The following SORD variants were observed in gnomAD, a reference collection of about 807,000 sequenced individuals.
SORD encodes (R,R)-butanediol dehydrogenase.
In SORD, 18 loss-of-function variants were observed where a neutral mutation model predicts 35.6. That is an observed-to-expected ratio of 0.51 (90% CI 0.35 to 0.75). The LOEUF (loss-of-function observed/expected upper bound fraction) is 0.75, where lower values mean the gene tolerates loss of function less well. Among genes scored for constraint, SORD ranks in the 30% least tolerant of loss-of-function variants. The probability of loss-of-function intolerance (pLI) is 0.01; values close to 1 mark genes in which losing one functional copy is unlikely to be tolerated. For synonymous variants in SORD, 106 were observed against 152.9 expected, an observed-to-expected ratio of 0.69 and a Z score of 2.26; for missense variants, 250 against 390.2, an observed-to-expected ratio of 0.64 and a Z score of 3.03.
At chr15:45,067,515 G>T (rs896108815) in intron 5 of SORD, among the ~76,000 whole-genome samples, 1 of 152,150 alleles carries the variant, frequency 6.6e-6, no homozygotes, top group South Asian at 2.1e-4. Flanking sequence ...AATTGTTCTC[G>T]GGGTTGTGTA....
chr15:45,072,700 C>T (rs1389341492), intron 8 of SORD, among the ~76,000 whole-genome samples: 2 of 142,114 alleles, frequency 1.4e-5, no homozygotes, highest in African/African-American at 3.1e-5. Context: ...GCTGCTTATC[C>T]CCCCCAGGCC....
intron 1 of SORD, among the ~76,000 whole-genome samples, chr15:45,038,126 CCCTTCCTTCCTTCCTTCCTT>C (rs71114304): frequency 0.033 from 3,990 of 122,298 alleles, 79 homozygotes; most frequent in Middle Eastern, 0.052. Context: ...CTCGCATCCT[CCCTTCCTTCCTTCCTTCCTT>C]CCTTCCTTCC....
At chr15:45,023,492 C>G in intron 1 of SORD, 143 bp downstream of exon 1, 1 of 676,346 alleles carries the variant, frequency 1.5e-6, no homozygotes, top group East Asian at 3.4e-5. Context: ...AGCTGGTTCC[C>G]CTCGGGGTGT....
intron 3 of SORD, among the ~76,000 whole-genome samples, chr15:45,052,751 C>A (rs1036460419): frequency 2.0e-5 from 3 of 152,138 alleles, no homozygotes; most frequent in Admixed American, 2.0e-4. Flanking sequence ...CCACCGCCAC[C>A]ACCCACTTCA....
chr15:45,071,183 C>T (rs567549458), intron 7 of SORD, among the ~76,000 whole-genome samples: 9 of 152,116 alleles, frequency 5.9e-5, no homozygotes, highest in African/African-American at 2.2e-4. Flanking sequence ...CAGGTGGTTC[C>T]AGCATTCCTT....
intron 3 of SORD, among the ~76,000 whole-genome samples, chr15:45,059,700 T>G (rs116298411): frequency 6.6e-6 from 1 of 152,152 alleles, no homozygotes; most frequent in Non-Finnish European, 1.5e-5. Context: ...TCTTCCTATG[T>G]TGCTCTTGAA....
intron 3 of SORD, 122 bp downstream of exon 3, chr15:45,043,543 T>G: frequency 1.8e-6 from 1 of 568,668 alleles, no homozygotes. Flanking sequence ...TGTTCCATAC[T>G]CACATGGATC....
intron 4 of SORD, among the ~76,000 whole-genome samples, chr15:45,062,790 A>G (rs1366226747): frequency 4.3e-4 from 57 of 132,064 alleles, no homozygotes; most frequent in African/African-American, 1.3e-3. Flanking sequence ...GTCTCTGCCA[A>G]TTACAACTGT....
In SORD at chr15:45,040,415, A is replaced by G. The variant is rs1479065934; in HGVS notation, c.74A>G (p.Tyr25Cys). 1 of 1,565,848 alleles carries G rather than the reference A, an allele frequency of 6.4e-7. No homozygotes were observed. Among genetic ancestry groups the G allele is most frequent in the Non-Finnish European group, 8.8e-7 (1 of 1,136,624 alleles). ...HGPGDLRLENYPIPEPGPNEV... is the reference protein window; with the variant it reads ...HGPGDLRLENCPIPEPGPNEV... ...CAATTTTGTTTCTTTTAGGAGAACT[A>G]TCCTATCCCTGAACCAGGCCCAAAT... The change falls in exon 2 of 9, where the codon TAT becomes TGT. Residue 25 changes from tyrosine (Y) to cysteine (C), a missense_variant. Tyr to Cys is a radical substitution (Grantham distance 194). Coordinates refer to ENST00000267814, the MANE Select transcript of SORD (RefSeq NM_003104.6).
intron 1 of SORD, among the ~76,000 whole-genome samples, chr15:45,032,090 T>A (rs1199670521): frequency 7.7e-6 from 1 of 130,558 alleles, no homozygotes; most frequent in African/African-American, 2.9e-5. Flanking sequence ...TGATTCCACT[T>A]ATATGAAATA....
chr15:45,056,242 C>G (rs200177047), intron 3 of SORD, among the ~76,000 whole-genome samples: 2,409 of 152,150 alleles, frequency 0.016, 16 homozygotes, highest in Middle Eastern at 0.031. Context: ...TAGAAAATCC[C>G]ATTGTCTCAG....
At chr15:45,060,228 T>C (rs1893279916) in intron 3 of SORD, among the ~76,000 whole-genome samples, 1 of 151,902 alleles carries the variant, frequency 6.6e-6, no homozygotes. Flanking sequence ...GAGGGGTAGA[T>C]GGATAGATAT....
At chr15:45,060,482 A>T (rs1178148417) in intron 3 of SORD, among the ~76,000 whole-genome samples, 1 of 152,176 alleles carries the variant, frequency 6.6e-6, no homozygotes. Flanking sequence ...CTACTGTACC[A>T]GAGTCCTCTG....
intron 5 of SORD, among the ~76,000 whole-genome samples, chr15:45,067,726 C>T (rs1893429789): frequency 1.3e-5 from 2 of 152,176 alleles, no homozygotes; most frequent in African/African-American, 4.8e-5. Context: ...GAACCCTCTC[C>T]AGGTGGTCCT....
intron 3 of SORD, among the ~76,000 whole-genome samples, chr15:45,049,178 G>A (rs1354219754): frequency 6.6e-6 from 1 of 152,146 alleles, no homozygotes; most frequent in Non-Finnish European, 1.5e-5. Context: ...TCTTTTGTTG[G>A]AAAGCATTTC....
chr15:45,056,652 G>T (rs889886067), intron 3 of SORD, among the ~76,000 whole-genome samples: 1 of 152,196 alleles, frequency 6.6e-6, no homozygotes, highest in Non-Finnish European at 1.5e-5. Flanking sequence ...TTAACATTTA[G>T]GGAGTTACCT....
At chr15:45,066,508 C>T (rs955984327) in intron 5 of SORD, among the ~76,000 whole-genome samples, 2 of 152,156 alleles carry the variant, frequency 1.3e-5, no homozygotes, top group African/African-American at 4.8e-5. Flanking sequence ...AGACCCTGCT[C>T]CCGGCCAGTG....
intron 3 of SORD, among the ~76,000 whole-genome samples, chr15:45,058,963 A>G (rs146941792): frequency 6.6e-6 from 1 of 152,260 alleles, no homozygotes; most frequent in Non-Finnish European, 1.5e-5. Context: ...CACCCCATGC[A>G]AGTTCTCATG....
At chr15:45,029,789 C>T (rs575330222) in intron 1 of SORD, among the ~76,000 whole-genome samples, 1 of 152,340 alleles carries the variant, frequency 6.6e-6, no homozygotes, top group South Asian at 2.1e-4. Context: ...AAATGGCTTT[C>T]AGCAGAGAAG....
Sources: gnomAD v4.1 joint callset for allele counts (sites outside exome capture counted in the v4.1 genomes callset) on GRCh38, gnomAD v4.1.1 for gene constraint, MANE v1.5 for transcripts, NCBI Gene and HGNC (gene_info 2026-07-23, HGNC 2026-07-21) for gene names.